WWOX: variants seen among roughly 807,000 people sequenced by gnomAD.
WWOX encodes WW domain-containing oxidoreductase.
WWOX carries 69 observed loss-of-function variants against 46.2 expected under a neutral mutation model. That is an observed-to-expected ratio of 1.49 (90% CI 1.23 to 1.82). WWOX has a LOEUF of 1.82. Among genes scored for constraint, WWOX ranks in the 40% most tolerant of loss-of-function variants. The pLI, the probability that WWOX is intolerant of heterozygous loss-of-function variation, is 0.00. For synonymous variants in WWOX, 359 were observed against 202.6 expected, an observed-to-expected ratio of 1.77 and a Z score of -6.56; for missense variants, 919 against 542.6, an observed-to-expected ratio of 1.69 and a Z score of -6.89.
intron 8 of WWOX, among the ~76,000 whole-genome samples, chr16:78,605,523 C>G (rs988648925): frequency 6.6e-6 from 1 of 151,944 alleles, no homozygotes; most frequent in African/African-American, 2.4e-5. Flanking sequence ...TTTCTGTTAC[C>G]ATTGTGCTAA....
intron 8 of WWOX, among the ~76,000 whole-genome samples, chr16:78,613,622 C>T (rs184682894): frequency 6.6e-6 from 1 of 152,182 alleles, no homozygotes; most frequent in Non-Finnish European, 1.5e-5. Flanking sequence ...GATGCAATCA[C>T]CACTACTGTT....
chr16:78,600,433 G>A (rs945170376), intron 8 of WWOX, among the ~76,000 whole-genome samples: 1 of 152,210 alleles, frequency 6.6e-6, no homozygotes, highest in Admixed American at 6.5e-5. Flanking sequence ...TCAAGGACTC[G>A]GATTTTTATG....
At chr16:78,322,793 G>GCA (rs1274652972) in intron 5 of WWOX, among the ~76,000 whole-genome samples, 2 of 152,184 alleles carry the variant, frequency 1.3e-5, no homozygotes, top group African/African-American at 4.8e-5. Context: ...TGTCACCACA[G>GCA]CACAGGAGCA....
intron 8 of WWOX, among the ~76,000 whole-genome samples, chr16:78,704,216 A>C (rs2048285840): frequency 6.6e-6 from 1 of 152,056 alleles, no homozygotes; most frequent in East Asian, 1.9e-4. Context: ...CTGTCTATAA[A>C]ATGGAAACAG....
intron 1 of WWOX, among the ~76,000 whole-genome samples, chr16:78,105,833 G>A (rs2032104295): frequency 6.6e-6 from 1 of 152,014 alleles, no homozygotes; most frequent in Non-Finnish European, 1.5e-5. Context: ...GTTGAGTCTT[G>A]CTTTTTCGCC....
chr16:78,814,037 C>T (rs1230316893), intron 8 of WWOX, among the ~76,000 whole-genome samples: 1 of 152,092 alleles, frequency 6.6e-6, no homozygotes. Context: ...CTTTTCTTTC[C>T]TTGCTGAATA....
At chr16:78,818,732 T>G (rs1427741072) in intron 8 of WWOX, among the ~76,000 whole-genome samples, 1 of 152,224 alleles carries the variant, frequency 6.6e-6, no homozygotes, top group Non-Finnish European at 1.5e-5. Context: ...CTCTACCATG[T>G]AACTAGCTTG....
chr16:78,783,143 C>A (rs752883360), intron 8 of WWOX, among the ~76,000 whole-genome samples: 1 of 152,216 alleles, frequency 6.6e-6, no homozygotes, highest in Admixed American at 6.5e-5. Context: ...AAAACAAAAG[C>A]ACATCTCCAT....
intron 6 of WWOX, among the ~76,000 whole-genome samples, chr16:78,422,433 C>G (rs2082954526): frequency 1.3e-5 from 2 of 151,284 alleles, no homozygotes; most frequent in Non-Finnish European, 2.9e-5. Flanking sequence ...AGCCCTTGAA[C>G]TCCTGGGCTC....
At chr16:78,908,942 A>C (rs1272193061) in intron 8 of WWOX, among the ~76,000 whole-genome samples, 2 of 152,206 alleles carry the variant, frequency 1.3e-5, no homozygotes, top group East Asian at 1.9e-4. Context: ...CCTAAACCCT[A>C]ATTTCTAATC....
Position 78,700,312 on chromosome 16 carries a change from C to CAGAGAGAGAG in WWOX, c.1056+267600_1056+267609dup, listed in dbSNP as rs55638553. Among the ~76,000 whole-genome samples, 410 of 130,520 alleles carry CAGAGAGAGAG rather than the reference C, an allele frequency of 3.1e-3. 5 individuals are homozygous for CAGAGAGAGAG. The highest frequency in any genetic ancestry group is 0.011 in the African/African-American group (376 of 35,094). 85.6% of individuals were successfully genotyped at this position (130,520 alleles called of 152,430 possible). A position where few individuals can be genotyped will look rare whatever the true frequency, so the allele number is the denominator to read the frequency against. On this transcript the variant is annotated intron_variant, in intron 8 of 8. Transcript: ENST00000566780. ...TCTTGCTGTGTCCTCACTTAGTAGA[C>CAGAGAGAGAG]AGAGAGAGAGAGAGAGAGAGAGAGA...
rs147987426 is a variant in WWOX, at chr16:78,389,391, G to A, written c.605+2443G>A. Among the ~76,000 whole-genome samples, 338 of 152,260 alleles carry A rather than the reference G, an allele frequency of 2.2e-3. 1 individual carries two copies. Among genetic ancestry groups the A allele is most frequent in the African/African-American group, 7.6e-3 (317 of 41,552 alleles). The stretch of plus-strand genomic sequence containing the variant: ...GGTGGCCCTGGAAGCCACAGTAACC[G>A]CACACAAGCTGTCACCTCAGTTGTC... On this transcript the variant is annotated intron_variant, in intron 6 of 8. Transcript: ENST00000566780.
At chr16:78,594,727 T>A (rs1464000765) in intron 8 of WWOX, among the ~76,000 whole-genome samples, 2 of 152,066 alleles carry the variant, frequency 1.3e-5, no homozygotes, top group Non-Finnish European at 2.9e-5. Context: ...TTATAACTCA[T>A]AGGCTACCTC....
intron 8 of WWOX, among the ~76,000 whole-genome samples, chr16:78,797,265 G>A (rs1253736361): frequency 6.8e-6 from 1 of 146,480 alleles, no homozygotes; most frequent in African/African-American, 2.6e-5. Flanking sequence ...TCTCAAGTCA[G>A]CCACCTCTGA....
intron 5 of WWOX, among the ~76,000 whole-genome samples, chr16:78,378,891 A>G (rs1345452889): frequency 1.3e-5 from 2 of 152,220 alleles, no homozygotes; most frequent in Non-Finnish European, 2.9e-5. Context: ...ATAAGAATAT[A>G]TAGATGATGT....
chr16:78,709,783 C>T (rs960719021), intron 8 of WWOX, among the ~76,000 whole-genome samples: 11 of 150,244 alleles, frequency 7.3e-5, no homozygotes, highest in Admixed American at 6.7e-5. Context: ...CGCTGGAGTG[C>T]AGTGGTGTGA....
intron 8 of WWOX, among the ~76,000 whole-genome samples, chr16:78,622,074 C>T (rs917869892): frequency 2.6e-5 from 4 of 152,204 alleles, no homozygotes; most frequent in African/African-American, 9.7e-5. Context: ...GCATTCTAAG[C>T]ACACCAGTAT....
intron 5 of WWOX, among the ~76,000 whole-genome samples, chr16:78,364,862 GTT>G (rs1567527155): frequency 6.6e-6 from 1 of 152,128 alleles, no homozygotes; most frequent in Non-Finnish European, 1.5e-5. Context: ...ACATGCAGTC[GTT>G]TTGGCCTTTT....
intron 5 of WWOX, among the ~76,000 whole-genome samples, chr16:78,382,076 T>A (rs1336737332): frequency 2.6e-5 from 4 of 152,176 alleles, no homozygotes; most frequent in African/African-American, 9.7e-5. Flanking sequence ...CTTTGTGACT[T>A]TTTTTTATAA....
Sources: allele counts gnomAD v4.1 joint callset (sites outside exome capture counted in the v4.1 genomes callset), GRCh38; gene constraint gnomAD v4.1.1; transcripts MANE v1.5; gene names NCBI Gene and HGNC (gene_info 2026-07-23, HGNC 2026-07-21).